The following MAPRE2 variants were observed in gnomAD, a reference collection of about 807,000 sequenced individuals.
MAPRE2 encodes microtubule associated protein RP/EB family member 2.
In MAPRE2, 13 loss-of-function variants were observed where a neutral mutation model predicts 43.2. That is an observed-to-expected ratio of 0.30 (90% CI 0.20 to 0.48). The LOEUF (loss-of-function observed/expected upper bound fraction) is 0.48. Among genes scored for constraint, MAPRE2 ranks in the 20% least tolerant of loss-of-function variants. The pLI is 0.99. For missense variants in MAPRE2, 161 were observed against 400.2 expected (o/e 0.40, Z 5.10); for synonymous variants, 135 against 148.8 (o/e 0.91, Z 0.68).
At chr18:35,024,646 T>C (rs949464469) in intron 2 of MAPRE2, among the ~76,000 whole-genome samples, 11 of 152,104 alleles carry the variant, frequency 7.2e-5, no homozygotes, top group Admixed American at 1.3e-4. Flanking sequence ...ATTATAATCA[T>C]GCAAAAATTT....
chr18:34,991,545 G>C (rs2097023827), intron 1 of MAPRE2, among the ~76,000 whole-genome samples: 1 of 152,084 alleles, frequency 6.6e-6, no homozygotes. Context: ...CAGAATGCGT[G>C]GCCTTTTTTC....
chr18:35,138,342 G>A (rs971491881), intron 6 of MAPRE2, among the ~76,000 whole-genome samples: 8 of 152,152 alleles, frequency 5.3e-5, no homozygotes, highest in African/African-American at 9.7e-5. Flanking sequence ...TGGGCCTAAC[G>A]TTCCAGAAGT....
chr18:35,126,268 T>C (rs1445813865), intron 4 of MAPRE2, among the ~76,000 whole-genome samples: 2 of 152,222 alleles, frequency 1.3e-5, no homozygotes, highest in African/African-American at 2.4e-5. Context: ...GTGTGACTAG[T>C]TGAGAGCCCC....
At chr18:34,996,543 T>C (rs1159296750) in intron 1 of MAPRE2, among the ~76,000 whole-genome samples, 2 of 152,150 alleles carry the variant, frequency 1.3e-5, no homozygotes, top group African/African-American at 2.4e-5. Context: ...TGGAATCTAA[T>C]AGGTGTGTAT....
chr18:35,041,425 A>G lies in MAPRE2; in HGVS notation c.-115A>G. 3 of 1,570,226 alleles carry G rather than the reference A, an allele frequency of 1.9e-6. No homozygotes were observed. Among genetic ancestry groups the G allele is most frequent in the Non-Finnish European group, 1.7e-6 (2 of 1,158,548 alleles). ...GAGCGAGAGCTGGGAGAAGGCAGTGAGCGAGCAGGCGGCAGGCACGGTCCG... is the reference window on the plus strand; with the variant it reads ...GAGCGAGAGCTGGGAGAAGGCAGTGGGCGAGCAGGCGGCAGGCACGGTCCG... On this transcript the variant is annotated 5_prime_UTR_variant, in exon 1 of 7. Coordinates refer to ENST00000300249, the MANE Select transcript of MAPRE2 (RefSeq NM_014268.4).
intron 2 of MAPRE2, among the ~76,000 whole-genome samples, chr18:35,073,287 CTATT>C (rs1168850700): frequency 7.9e-5 from 12 of 152,074 alleles, no homozygotes; most frequent in Admixed American, 6.5e-4. Flanking sequence ...AGCTATCTTT[CTATT>C]TATTTATTTA....
At chr18:35,041,230 G>A, upstream of MAPRE2, 9 of 1,010,280 alleles carry the variant, frequency 8.9e-6, no homozygotes, top group African/African-American at 1.7e-5. Context: ...GGCCTGCCCC[G>A]GTGCCTGCCT....
Position 35,127,094 on chromosome 18 carries a change from C to T in MAPRE2, c.750+7C>T, listed in dbSNP as rs202098289. The stretch of plus-strand genomic sequence containing the variant: ...CATACAGCTTAATGAACAGGTAATG[C>T]ATCAGCTCTGGCCACGCCTCTAGGA... On this transcript the variant is annotated splice_region_variant and intron_variant, in intron 5 of 6. Coordinates refer to ENST00000300249, the MANE Select transcript of MAPRE2 (RefSeq NM_014268.4). 1.8e-4 allele frequency: 294 copies of T among 1,614,002 alleles called. No homozygotes were observed. Among genetic ancestry groups the T allele is most frequent in the Non-Finnish European group, 2.3e-4 (269 of 1,179,946 alleles).
rs560382744 is a variant in MAPRE2, at chr18:35,001,074, AGC to A, written c.-69-4417_-69-4416del. Among the ~76,000 whole-genome samples, 15 of 152,340 alleles carry A rather than the reference AGC, an allele frequency of 9.8e-5. No individual in the cohort carries two copies. In the East Asian group the frequency reaches 2.3e-3, roughly 24 times the overall value. On this transcript the variant is annotated intron_variant, in intron 1 of 7. Coordinates refer to the MAPRE2 transcript ENST00000413393. ...GCCTGTGAATAGCCTCTTGTACTCT[AGC>A]TTGGGCATCACTGCAAGACCCCATT...
In MAPRE2 at chr18:35,041,804, CTG is replaced by C. The variant is rs775094747; in HGVS notation, c.122+145_122+146del. 1.6e-4 allele frequency: 237 copies of C among 1,492,578 alleles called. 1 individual carries two copies. The highest frequency in any genetic ancestry group is 2.0e-4 in the Non-Finnish European group (220 of 1,123,006). The allele number at this position is 1,492,578 out of a possible 1,614,324, so 92.5% of individuals were successfully genotyped here. A position where few individuals can be genotyped will look rare whatever the true frequency, so the allele number is the denominator to read the frequency against. On this transcript the variant is annotated intron_variant, in intron 1 of 6. Coordinates refer to ENST00000300249, the MANE Select transcript of MAPRE2 (RefSeq NM_014268.4). ...GAAGGCGGTTGTGATTATTTGGTAT[CTG>C]TTTCCATGTGTCATGTTGGGTTTGC...
rs1909946592 is a variant in MAPRE2 at position 35,127,179 on chromosome 18, G to C, written c.750+92G>C. On this transcript the variant is annotated intron_variant, in intron 5 of 6. Coordinates refer to ENST00000300249, the MANE Select transcript of MAPRE2 (RefSeq NM_014268.4). ...TCCCCTAGGACTGGGGTAAGGGAGG[G>C]AAGGGTAAGGAAGAATCCTTGGTTT... is the stretch of plus-strand genomic sequence containing the variant. 3.2e-5 allele frequency: 41 copies of C among 1,281,690 alleles called. No homozygotes were observed. The South Asian group carries it at 5.6e-4, about 17-fold the overall frequency. 79.4% of individuals were successfully genotyped at this position (1,281,690 alleles called of 1,614,324 possible). A position where few individuals can be genotyped will look rare whatever the true frequency, so the allele number is the denominator to read the frequency against.
chr18:35,093,181 C>T (rs1028109775), intron 2 of MAPRE2, among the ~76,000 whole-genome samples: 3 of 133,138 alleles, frequency 2.3e-5, no homozygotes, highest in African/African-American at 8.7e-5. Context: ...CACTGCACTC[C>T]AGGTTAGGAG....
At chr18:35,052,968 G>A (rs1906022450) in intron 1 of MAPRE2, among the ~76,000 whole-genome samples, 1 of 151,408 alleles carries the variant, frequency 6.6e-6, no homozygotes, top group African/African-American at 2.4e-5. Flanking sequence ...ATTTTAATAT[G>A]TACAGGTCTT....
intron 2 of MAPRE2, among the ~76,000 whole-genome samples, chr18:35,031,430 C>T (rs1310326134): frequency 6.6e-6 from 1 of 152,164 alleles, no homozygotes; most frequent in Admixed American, 6.5e-5. Flanking sequence ...ATGGAAAACA[C>T]ATTTAAAGCT....
intron 1 of MAPRE2, among the ~76,000 whole-genome samples, chr18:35,004,033 CAA>C (rs1238797432): frequency 6.6e-6 from 1 of 152,062 alleles, no homozygotes; most frequent in East Asian, 1.9e-4. Flanking sequence ...TAAACAAGCC[CAA>C]GTTTATTAAT....
chr18:35,008,800 A>C (rs938709368), intron 2 of MAPRE2, among the ~76,000 whole-genome samples: 10 of 152,292 alleles, frequency 6.6e-5, no homozygotes, highest in African/African-American at 2.4e-4. Flanking sequence ...CTAGTTTACT[A>C]TATTTTTCCC....
In MAPRE2 at chr18:35,132,082, C is replaced by T; in HGVS notation, c.801C>T (p.Phe267=). Residue 267 remains phenylalanine, a synonymous_variant, in exon 6 of 7, where the codon TTC becomes TTT. Coordinates refer to ENST00000300249, the MANE Select transcript of MAPRE2 (RefSeq NM_014268.4). ...AAGGCGTGGAAAAGGAAAGGGATTTCTACTTTGGGAAGTTGAGAGAGATCG... is the reference window on the plus strand; with the variant it reads ...AAGGCGTGGAAAAGGAAAGGGATTTTTACTTTGGGAAGTTGAGAGAGATCG... ...ALEGVEKERD[F]YFGKLREIEL... 1 of 1,614,150 alleles carries T rather than the reference C, an allele frequency of 6.2e-7. No individual in the cohort carries two copies. The highest frequency in any genetic ancestry group is 1.3e-5 in the African/African-American group (1 of 75,048).
chr18:35,005,299 T>C (rs1463132174), intron 1 of MAPRE2, among the ~76,000 whole-genome samples: 1 of 152,234 alleles, frequency 6.6e-6, no homozygotes, highest in Non-Finnish European at 1.5e-5. Flanking sequence ...GAGAGTATAA[T>C]TCTATTGTCT....
At chr18:35,111,652 G>C (rs1909180815) in intron 4 of MAPRE2, among the ~76,000 whole-genome samples, 1 of 152,170 alleles carries the variant, frequency 6.6e-6, no homozygotes, top group Non-Finnish European at 1.5e-5. Flanking sequence ...TCTTCAAGGG[G>C]ATCTAACCTT....
Sources: allele counts gnomAD v4.1 joint callset (sites outside exome capture counted in the v4.1 genomes callset), GRCh38; gene constraint gnomAD v4.1.1; transcripts MANE v1.5; gene names NCBI Gene and HGNC (gene_info 2026-07-23, HGNC 2026-07-21).